ADGRB3: variants seen among roughly 807,000 people sequenced by gnomAD.
ADGRB3 encodes adhesion G protein-coupled receptor B3.
In ADGRB3, 37 loss-of-function variants were observed where a neutral mutation model predicts 193.4. That is an observed-to-expected ratio of 0.19 (90% CI 0.15 to 0.25). ADGRB3 has a LOEUF of 0.25. Among genes scored for constraint, ADGRB3 ranks in the 10% least tolerant of loss-of-function variants. The probability of loss-of-function intolerance (pLI) is 1.00; values close to 1 mark genes in which losing one functional copy is unlikely to be tolerated. For missense variants in ADGRB3, 1,637 were observed against 1,852.9 expected (o/e 0.88, Z 2.14); for synonymous variants, 690 against 644.2 (o/e 1.07, Z -1.08).
chr6:68,851,413 A>G (rs1768400194), intron 3 of ADGRB3, among the ~76,000 whole-genome samples: 1 of 151,848 alleles, frequency 6.6e-6, no homozygotes, highest in Non-Finnish European at 1.5e-5. Flanking sequence ...TTCTAATACT[A>G]TGAAGATATT....
intron 11 of ADGRB3, among the ~76,000 whole-genome samples, chr6:69,008,074 G>A (rs750496108): frequency 3.2e-4 from 48 of 152,120 alleles, no homozygotes; most frequent in Admixed American, 7.2e-4. Context: ...TGCAAGAGAG[G>A]AGCCCTCAAT....
At position 68,868,911 on chromosome 6, in the gene ADGRB3, A is replaced by ATGTGTGTGTGTGTGTG. The variant is rs375255522; in HGVS notation, c.758-61633_758-61618dup. Among the ~76,000 whole-genome samples the ATGTGTGTGTGTGTGTG allele has an allele frequency of 1.7e-3, 235 of 139,838 alleles. 5 individuals are homozygous for ATGTGTGTGTGTGTGTG. The East Asian group carries it at 0.034, about 20-fold the overall frequency. 91.7% of individuals were successfully genotyped at this position (139,838 alleles called of 152,430 possible). A position where few individuals can be genotyped will look rare whatever the true frequency, so the allele number is the denominator to read the frequency against. On this transcript the variant is annotated intron_variant, in intron 3 of 31. Coordinates refer to ENST00000370598, the MANE Select transcript of ADGRB3 (RefSeq NM_001704.3). ...CTGGAAATAGGACTTCCAGATAATG[A>ATGTGTGTGTGTGTGTG]TGTGTGTGTGTGTGTGTGTGTGTGT... is the stretch of plus-strand genomic sequence containing the variant.
intron 18 of ADGRB3, 60 bp from the exon 19 acceptor site, chr6:69,234,972 G>A (rs894570316): frequency 2.5e-5 from 34 of 1,340,228 alleles, no homozygotes; most frequent in East Asian, 1.6e-4. Context: ...GCTGAGTCTA[G>A]AAGTTATTTT....
chr6:69,335,211 C>T (rs183561169), intron 24 of ADGRB3, among the ~76,000 whole-genome samples: 17 of 151,972 alleles, frequency 1.1e-4, no homozygotes, highest in Admixed American at 9.8e-4. Flanking sequence ...GTGTAAAGCC[C>T]AGTTTAATTC....
At chr6:68,678,799 A>G (rs571534288) in intron 3 of ADGRB3, among the ~76,000 whole-genome samples, 2 of 152,170 alleles carry the variant, frequency 1.3e-5, no homozygotes, top group East Asian at 3.8e-4. Context: ...ATAACACTGT[A>G]TTGATTCCAG....
chr6:68,682,546 A>G (rs1764914137), intron 3 of ADGRB3, among the ~76,000 whole-genome samples: 1 of 152,234 alleles, frequency 6.6e-6, no homozygotes, highest in Non-Finnish European at 1.5e-5. Context: ...ATTAAGTTTC[A>G]GAAATATTGT....
intron 17 of ADGRB3, among the ~76,000 whole-genome samples, chr6:69,209,751 A>G (rs532395808): frequency 2.6e-5 from 4 of 152,326 alleles, no homozygotes; most frequent in Admixed American, 6.5e-5. Flanking sequence ...ATGGCTACAT[A>G]CCAGGTACCA....
At chr6:68,648,377 T>C in intron 3 of ADGRB3, among the ~76,000 whole-genome samples, 1 of 151,998 alleles carries the variant, frequency 6.6e-6, no homozygotes, top group East Asian at 1.9e-4. Context: ...TCATGTAAAA[T>C]GAAATAATTT....
chr6:69,286,473 A>G (rs958391828), intron 20 of ADGRB3, among the ~76,000 whole-genome samples: 1 of 152,192 alleles, frequency 6.6e-6, no homozygotes, highest in Non-Finnish European at 1.5e-5. Context: ...TGCCTTTTAA[A>G]TTGTCATATC....
intron 3 of ADGRB3, among the ~76,000 whole-genome samples, chr6:68,790,725 A>G (rs1054854073): frequency 6.6e-6 from 1 of 152,196 alleles, no homozygotes; most frequent in African/African-American, 2.4e-5. Flanking sequence ...GCAGCTGAGG[A>G]TCCTGTCTGT....
At chr6:69,351,332 T>C (rs1012481390) in intron 26 of ADGRB3, among the ~76,000 whole-genome samples, 10 of 151,834 alleles carry the variant, frequency 6.6e-5, no homozygotes, top group Admixed American at 5.9e-4. Flanking sequence ...TGACCTCATG[T>C]TCCGCCCGCC....
chr6:68,918,233 G>A (rs1766936110), intron 3 of ADGRB3, among the ~76,000 whole-genome samples: 1 of 152,068 alleles, frequency 6.6e-6, no homozygotes, highest in African/African-American at 2.4e-5. Context: ...GGGATGTTGG[G>A]GGAAGAAAAA....
chr6:68,645,107 TA>T (rs1403601610), intron 3 of ADGRB3, among the ~76,000 whole-genome samples: 1 of 152,164 alleles, frequency 6.6e-6, no homozygotes, highest in Non-Finnish European at 1.5e-5. Flanking sequence ...GTATTACCTA[TA>T]AAAGCAGTCC....
At chr6:68,855,701 A>G (rs979227141) in intron 3 of ADGRB3, among the ~76,000 whole-genome samples, 1 of 152,146 alleles carries the variant, frequency 6.6e-6, no homozygotes, top group Non-Finnish European at 1.5e-5. Flanking sequence ...TGTATTGCCC[A>G]ATATTAAGAA....
At chr6:69,360,181 T>A (rs1769422282) in intron 28 of ADGRB3, among the ~76,000 whole-genome samples, 1 of 151,946 alleles carries the variant, frequency 6.6e-6, no homozygotes, top group Non-Finnish European at 1.5e-5. Context: ...GTTTTTTTCT[T>A]AAACTCAGCT....
At chr6:69,335,041 A>G (rs768463649) in intron 24 of ADGRB3, among the ~76,000 whole-genome samples, 5 of 152,162 alleles carry the variant, frequency 3.3e-5, no homozygotes, top group African/African-American at 4.8e-5. Context: ...CTAACTGTCA[A>G]TCAAGAATCC....
intron 11 of ADGRB3, among the ~76,000 whole-genome samples, chr6:69,007,943 G>T (rs1018634914): frequency 3.9e-5 from 6 of 152,046 alleles, no homozygotes; most frequent in African/African-American, 1.4e-4. Context: ...TTTCAAGCTG[G>T]TCCCTTGTTG....
At chr6:68,768,105 G>T (rs1766546589) in intron 3 of ADGRB3, among the ~76,000 whole-genome samples, 1 of 152,074 alleles carries the variant, frequency 6.6e-6, no homozygotes, top group African/African-American at 2.4e-5. Context: ...TGTGAAAGTG[G>T]CCATACTGCC....
rs1765609151 is a variant in ADGRB3 at position 68,722,897 on chromosome 6, C to CA, written c.757+83471dup. On this transcript the variant is annotated intron_variant, in intron 3 of 31. Coordinates refer to ENST00000370598, the MANE Select transcript of ADGRB3 (RefSeq NM_001704.3). ...GAGAACAAGCAAACAAACAAACAAA[C>CA]AAAAAAGGCAAAAAAATGAGAGGTT... 2.0e-5 allele frequency among the ~76,000 whole-genome samples: 3 copies of CA among 151,044 alleles called. No homozygotes were observed. The South Asian group carries it at 6.3e-4, about 32-fold the overall frequency.
Sources: allele counts gnomAD v4.1 joint callset (sites outside exome capture counted in the v4.1 genomes callset), GRCh38; gene constraint gnomAD v4.1.1; transcripts MANE v1.5; gene names NCBI Gene and HGNC (gene_info 2026-07-23, HGNC 2026-07-21).